TBC1D9: variants seen among roughly 807,000 people sequenced by gnomAD.
TBC1D9 encodes TBC1 domain family member 9.
TBC1D9 carries 63 observed loss-of-function variants against 132.0 expected under a neutral mutation model. The observed-to-expected ratio is 0.48, with a 90% CI of 0.39 to 0.59. The LOEUF (loss-of-function observed/expected upper bound fraction) is 0.59. Among genes scored for constraint, TBC1D9 ranks in the 20% least tolerant of loss-of-function variants. The probability of loss-of-function intolerance (pLI) is 0.00; values close to 1 mark genes in which losing one functional copy is unlikely to be tolerated. For missense variants in TBC1D9, 1,261 were observed against 1,592.7 expected (o/e 0.79, Z 3.54); for synonymous variants, 610 against 609.9 (o/e 1.00, Z 0.00).
chr4:140,728,394 T>C (rs562871899), intron 1 of TBC1D9, among the ~76,000 whole-genome samples: 1 of 121,536 alleles, frequency 8.2e-6, no homozygotes, highest in South Asian at 2.4e-4. Flanking sequence ...TTTTTAACTT[T>C]AAATGGTAAA....
intron 1 of TBC1D9, among the ~76,000 whole-genome samples, chr4:140,729,262 G>A (rs1738548873): frequency 1.3e-5 from 2 of 152,068 alleles, no homozygotes; most frequent in South Asian, 2.1e-4. Flanking sequence ...GACGTAATGT[G>A]TATACTAGAT....
At chr4:140,723,763 CTA>C (rs1242478262) in intron 1 of TBC1D9, among the ~76,000 whole-genome samples, 1 of 152,110 alleles carries the variant, frequency 6.6e-6, no homozygotes, top group Non-Finnish European at 1.5e-5. Context: ...ATTTATTTAT[CTA>C]TGTTATTTTT....
At chr4:140,739,730 C>G (rs1260152191) in intron 1 of TBC1D9, among the ~76,000 whole-genome samples, 1 of 152,150 alleles carries the variant, frequency 6.6e-6, no homozygotes, top group Non-Finnish European at 1.5e-5. Context: ...AAGCTGGGCA[C>G]AGCGGTACAT....
At chr4:140,720,208 T>G (rs544786841) in intron 1 of TBC1D9, among the ~76,000 whole-genome samples, 16 of 152,134 alleles carry the variant, frequency 1.1e-4, no homozygotes, top group African/African-American at 1.7e-4. Flanking sequence ...AAGGGAGTGC[T>G]TGAAAGGTTT....
chr4:140,623,709 A>C (rs1736660509), intron 20 of TBC1D9, among the ~76,000 whole-genome samples: 1 of 152,166 alleles, frequency 6.6e-6, no homozygotes, highest in Admixed American at 6.5e-5. Flanking sequence ...TACAAAACTT[A>C]GCATTTTCAG....
At chr4:140,664,552 T>A (rs938377517) in intron 9 of TBC1D9, among the ~76,000 whole-genome samples, 3 of 152,152 alleles carry the variant, frequency 2.0e-5, no homozygotes, top group Admixed American at 1.3e-4. Context: ...GGACTCACAC[T>A]TCCCAATTTT....
At chr4:140,668,572 G>A (rs527667581) in intron 9 of TBC1D9, among the ~76,000 whole-genome samples, 1 of 152,232 alleles carries the variant, frequency 6.6e-6, no homozygotes, top group East Asian at 1.9e-4. Context: ...TGAAGTTGAC[G>A]TAGCTGGGCA....
Position 140,756,107 on chromosome 4 carries a change from C to A in TBC1D9, c.-62G>T, listed in dbSNP as rs961419109. 2 of 1,439,208 alleles carry A rather than the reference C, an allele frequency of 1.4e-6. No homozygotes were observed. Among genetic ancestry groups the A allele is most frequent in the African/African-American group, 1.5e-5 (1 of 67,428 alleles). The allele number at this position is 1,439,208 out of a possible 1,614,324, so 89.2% of individuals were successfully genotyped here. On this transcript the variant is annotated 5_prime_UTR_variant, in exon 1 of 21. Coordinates refer to ENST00000442267, the MANE Select transcript of TBC1D9 (RefSeq NM_015130.3). This position sits in a 1 kb window ranked among gnomAD's most constrained non-coding sequence, Gnocchi z 5.6. Reference sequence around the variant, plus strand: ...GTGGGTCCAGTCCTGCACCCACCACCGCGACAGGCGCGCACTCCTGGGCAC... The same window carrying A: ...GTGGGTCCAGTCCTGCACCCACCACAGCGACAGGCGCGCACTCCTGGGCAC...
chr4:140,677,168 G>A (rs10027150), intron 5 of TBC1D9, 67 bp from the exon 6 acceptor site: 61,626 of 1,573,392 alleles, frequency 0.039, 2,038 homozygotes, highest in African/African-American at 0.17. Flanking sequence ...ATGCAGCAGC[G>A]GAAGTTCCCC....
intron 15 of TBC1D9, among the ~76,000 whole-genome samples, chr4:140,636,786 A>G (rs1335585124): frequency 1.3e-5 from 2 of 152,284 alleles, no homozygotes; most frequent in South Asian, 2.1e-4. Flanking sequence ...ATGAGAGCCA[A>G]TTGAAGTGTT....
intron 10 of TBC1D9, among the ~76,000 whole-genome samples, chr4:140,661,579 A>G (rs1737361984): frequency 6.6e-6 from 1 of 152,288 alleles, no homozygotes; most frequent in Admixed American, 6.5e-5. Context: ...CATTCAGTGC[A>G]GTGGTTCTCA....
In TBC1D9 at chr4:140,643,072, A is replaced by G. The variant is rs116043551; in HGVS notation, c.2338-3644T>C. On this transcript the variant is annotated intron_variant, in intron 13 of 20. Transcript: ENST00000442267. ...TCCTCCTTCTTGCGCATCCAGCTGT[A>G]CTTATTGTGGGCTTCAGCTCCCGTG... is the stretch of plus-strand genomic sequence containing the variant. The G allele has an allele frequency of 1.6e-3, 2,061 of 1,326,146 alleles. 14 individuals are homozygous for G. The highest frequency in any genetic ancestry group is 0.013 in the Middle Eastern group (51 of 3,854). The allele number at this position is 1,326,146 out of a possible 1,614,324, so 82.1% of individuals were successfully genotyped here.
chr4:140,671,926 C>A (rs1209037502), intron 6 of TBC1D9, among the ~76,000 whole-genome samples: 2 of 151,912 alleles, frequency 1.3e-5, no homozygotes, highest in Non-Finnish European at 2.9e-5. Flanking sequence ...ATCTTTTTTC[C>A]CTTCTTCATT....
In TBC1D9 at chr4:140,727,609, C is replaced by G. The variant is rs1163930845; in HGVS notation, c.131-25995G>C. Among the ~76,000 whole-genome samples, 9 of 152,148 alleles carry G rather than the reference C, an allele frequency of 5.9e-5. No homozygotes were observed. In the East Asian group the frequency reaches 1.7e-3, roughly 29 times the overall value. On this transcript the variant is annotated intron_variant, in intron 1 of 20. Coordinates refer to ENST00000442267, the MANE Select transcript of TBC1D9 (RefSeq NM_015130.3). ...TATCAAAAACCAAGAAACTAATTTC[C>G]ATATTAAAAATCTATTGTTCTGACT...
intron 1 of TBC1D9, among the ~76,000 whole-genome samples, chr4:140,752,512 T>G (rs1457404791): frequency 6.6e-6 from 1 of 152,142 alleles, no homozygotes; most frequent in Non-Finnish European, 1.5e-5. Flanking sequence ...ACAAGGGGGC[T>G]TTTGGCACAT....
chr4:140,714,043 TG>T (rs1278526401), intron 1 of TBC1D9, among the ~76,000 whole-genome samples: 1 of 152,150 alleles, frequency 6.6e-6, no homozygotes, highest in Non-Finnish European at 1.5e-5. Flanking sequence ...AATATTAGCC[TG>T]GGGGGCTGAA....
intron 16 of TBC1D9, among the ~76,000 whole-genome samples, chr4:140,633,053 A>T (rs1339069853): frequency 2.0e-5 from 3 of 152,066 alleles, no homozygotes; most frequent in Non-Finnish European, 1.5e-5. Flanking sequence ...TTCCCTTTTT[A>T]AAAAACCATC....
At chr4:140,629,595 T>A (rs967812137) in intron 16 of TBC1D9, among the ~76,000 whole-genome samples, 1 of 152,248 alleles carries the variant, frequency 6.6e-6, no homozygotes, top group Non-Finnish European at 1.5e-5. Context: ...TTTTCTCATA[T>A]GATGTGATTT....
At chr4:140,728,493 T>C (rs570696176) in intron 1 of TBC1D9, among the ~76,000 whole-genome samples, 1 of 152,180 alleles carries the variant, frequency 6.6e-6, no homozygotes, top group East Asian at 1.9e-4. Flanking sequence ...GTTTTTTTTG[T>C]TTGTTTGTTT....
Sources: allele counts gnomAD v4.1 joint callset (sites outside exome capture counted in the v4.1 genomes callset), GRCh38; gene constraint gnomAD v4.1.1; non-coding constraint Gnocchi (gnomAD v3.1); transcripts MANE v1.5; gene names NCBI Gene and HGNC (gene_info 2026-07-23, HGNC 2026-07-21).